CADPS2: variants seen among roughly 807,000 people sequenced by gnomAD.
CADPS2 encodes the protein calcium dependent secretion activator 2.
A neutral mutation model predicts 172.5 loss-of-function variants in CADPS2; 93 were observed. The observed-to-expected ratio is 0.54, with a 90% CI of 0.46 to 0.64. The LOEUF is 0.64. Among genes scored for constraint, CADPS2 ranks in the 30% least tolerant of loss-of-function variants. The pLI is 0.00. For missense variants in CADPS2, 1,420 were observed against 1,565.9 expected (o/e 0.91, Z 1.57); for synonymous variants, 546 against 555.2 (o/e 0.98, Z 0.23).
intron 11 of CADPS2, 121 bp from the exon 12 acceptor site, chr7:122,480,981 G>A (rs1219148339): frequency 1.1e-6 from 1 of 887,492 alleles, no homozygotes; most frequent in East Asian, 3.1e-5. Flanking sequence ...TTTAAAAGTT[G>A]TTTTTCTAAA....
intron 1 of CADPS2, among the ~76,000 whole-genome samples, chr7:122,860,542 T>A (rs539767565): frequency 1.5e-4 from 23 of 152,126 alleles, no homozygotes; most frequent in Admixed American, 3.9e-4. Context: ...CATAATATAT[T>A]TTTTTTAAAG....
intron 6 of CADPS2, among the ~76,000 whole-genome samples, chr7:122,590,305 C>G (rs761844916): frequency 1.1e-4 from 16 of 151,828 alleles, no homozygotes; most frequent in Non-Finnish European, 2.2e-4. Flanking sequence ...ACAGAGAGCC[C>G]AGAAACCAAC....
In CADPS2 at chr7:122,763,530, A is replaced by C. The variant is rs551168773; in HGVS notation, c.340-26462T>G. Reference sequence around the variant, plus strand: ...GGATAATACTGTCAGTAATGCCATCATATCCATCGTCAAAATGGACTGTAT... The same window carrying C: ...GGATAATACTGTCAGTAATGCCATCCTATCCATCGTCAAAATGGACTGTAT... On this transcript the variant is annotated intron_variant, in intron 1 of 29. Transcript: ENST00000449022. 7.2e-5 allele frequency among the ~76,000 whole-genome samples: 11 copies of C among 152,316 alleles called. No individual in the cohort carries two copies. The South Asian group carries it at 2.3e-3, about 32-fold the overall frequency.
Position 122,475,684 on chromosome 7 carries a change from G to A in CADPS2, c.1862-1167C>T, listed in dbSNP as rs994383482. On this transcript the variant is annotated intron_variant, in intron 12 of 29. Coordinates refer to ENST00000449022, the MANE Select transcript of CADPS2 (RefSeq NM_017954.11). ...TCAAGTTCAACTTTCAGCCATATTT[G>A]TAGATGGAAGAACTACATAATTCAA... is the stretch of plus-strand genomic sequence containing the variant. Among the ~76,000 whole-genome samples the A allele has an allele frequency of 3.3e-5, 5 of 152,134 alleles. No individual in the cohort carries two copies. The South Asian group carries it at 1.0e-3, about 31-fold the overall frequency.
At chr7:122,422,785 T>C (rs2048681821) in intron 17 of CADPS2, among the ~76,000 whole-genome samples, 1 of 138,098 alleles carries the variant, frequency 7.2e-6, no homozygotes, top group African/African-American at 2.9e-5. Flanking sequence ...TGAAACCCCG[T>C]CTCTATTAAA....
chr7:122,611,659 A>C (rs2074304824), intron 6 of CADPS2, among the ~76,000 whole-genome samples: 2 of 152,034 alleles, frequency 1.3e-5, no homozygotes, highest in South Asian at 4.1e-4. Flanking sequence ...GCTTTTAAAA[A>C]ATACAAATTC....
intron 1 of CADPS2, among the ~76,000 whole-genome samples, chr7:122,825,408 C>G (rs902857895): frequency 3.3e-5 from 5 of 152,070 alleles, no homozygotes; most frequent in African/African-American, 1.2e-4. Context: ...AATGAAAAAG[C>G]ATGGTGCAAA....
chr7:122,586,688 CTCTGT>C (rs1487832704), intron 6 of CADPS2, among the ~76,000 whole-genome samples: 1 of 151,906 alleles, frequency 6.6e-6, no homozygotes, highest in African/African-American at 2.4e-5. Context: ...CTCTGTTAAA[CTCTGT>C]TCTAACATTT....
chr7:122,509,159 G>C (rs2059837322), intron 9 of CADPS2, among the ~76,000 whole-genome samples: 1 of 152,118 alleles, frequency 6.6e-6, no homozygotes, highest in Non-Finnish European at 1.5e-5. Context: ...TGAGTGAGAG[G>C]AGTCTGCTGT....
At chr7:122,603,827 T>C (rs908470226) in intron 6 of CADPS2, among the ~76,000 whole-genome samples, 1 of 152,102 alleles carries the variant, frequency 6.6e-6, no homozygotes, top group Non-Finnish European at 1.5e-5. Context: ...TCTTTATATG[T>C]AGAATCTAAA....
chr7:122,844,266 T>C (rs144971633), intron 1 of CADPS2, among the ~76,000 whole-genome samples: 15 of 152,366 alleles, frequency 9.8e-5, no homozygotes, highest in Non-Finnish European at 1.9e-4. Context: ...TTCACATTTG[T>C]ATGAAACTTT....
chr7:122,618,678 C>A (rs1219235331), intron 5 of CADPS2, among the ~76,000 whole-genome samples: 1 of 152,168 alleles, frequency 6.6e-6, no homozygotes, highest in Non-Finnish European at 1.5e-5. Flanking sequence ...TAACTGCTTG[C>A]CTTTCAGAGT....
chr7:122,666,361 T>TTTTTAGATG (rs2081192021), intron 2 of CADPS2, among the ~76,000 whole-genome samples: 1 of 150,992 alleles, frequency 6.6e-6, no homozygotes, highest in Non-Finnish European at 1.5e-5. Context: ...TTTTTTTTTT[T>TTTTTAGATG]GAGATGGAGT....
chr7:122,438,778 T>C (rs1382272678), intron 16 of CADPS2, among the ~76,000 whole-genome samples: 2 of 152,062 alleles, frequency 1.3e-5, no homozygotes, highest in African/African-American at 2.4e-5. Context: ...ATGACACCAT[T>C]AAAGCAGCTG....
chr7:122,853,245 G>A (rs1206573945), intron 1 of CADPS2, among the ~76,000 whole-genome samples: 1 of 152,180 alleles, frequency 6.6e-6, no homozygotes, highest in African/African-American at 2.4e-5. Context: ...AAAGGTCAGG[G>A]TATTTCTCCC....
intron 6 of CADPS2, among the ~76,000 whole-genome samples, chr7:122,591,646 C>T (rs987839106): frequency 7.9e-5 from 12 of 152,034 alleles, no homozygotes; most frequent in African/African-American, 1.2e-4. Context: ...GAGATATAGA[C>T]CAATGGAACA....
chr7:122,735,687 C>T (rs2137752800), intron 2 of CADPS2, among the ~76,000 whole-genome samples: 1 of 152,256 alleles, frequency 6.6e-6, no homozygotes, highest in African/African-American at 2.4e-5. Flanking sequence ...ACCTTATCAT[C>T]TTAGAGTGCA....
intron 14 of CADPS2, among the ~76,000 whole-genome samples, chr7:122,453,065 A>G (rs1043719916): frequency 5.3e-5 from 8 of 152,062 alleles, no homozygotes; most frequent in Admixed American, 4.6e-4. Flanking sequence ...TACTTCAGAG[A>G]CTCATGTGCT....
At chr7:122,407,228 A>T (rs2046758701) in intron 20 of CADPS2, among the ~76,000 whole-genome samples, 1 of 152,208 alleles carries the variant, frequency 6.6e-6, no homozygotes, top group Non-Finnish European at 1.5e-5. Context: ...GTACTTTAGA[A>T]ATGCCAGCCT....
Sources: allele counts gnomAD v4.1 joint callset (sites outside exome capture counted in the v4.1 genomes callset), GRCh38; gene constraint gnomAD v4.1.1; transcripts MANE v1.5; gene names NCBI Gene and HGNC (gene_info 2026-07-23, HGNC 2026-07-21).